Variants in CD180 observed in about 807,000 individuals in gnomAD.
CD180 encodes the protein CD180 antigen.
Under a neutral mutation model 10.7 loss-of-function variants are expected in CD180, and 11 were observed. That is an observed-to-expected ratio of 1.03 (90% CI 0.65 to 1.70). The LOEUF is 1.70. Among genes scored for constraint, CD180 ranks in the 40% most tolerant of loss-of-function variants. The pLI is 0.00. For synonymous variants in CD180, 286 were observed against 294.6 expected, an observed-to-expected ratio of 0.97 and a Z score of 0.30; for missense variants, 729 against 775.2, an observed-to-expected ratio of 0.94 and a Z score of 0.71.
chr5:67,187,991 G>A (rs191518537), intron 1 of CD180, among the ~76,000 whole-genome samples: 38 of 152,162 alleles, frequency 2.5e-4, no homozygotes, highest in African/African-American at 8.9e-4. Context: ...CCAACATAGC[G>A]AAACCCCGTC....
chr5:67,182,541 T>C lies in CD180; in HGVS notation c.*316A>G, dbSNP rs1742067741. Reference sequence around the variant, plus strand: ...GAGTAGAAGGGGAATGGCCTCCCTGTGGGAGACTCCGGGGCCGGCAGTCCC... The same window carrying C: ...GAGTAGAAGGGGAATGGCCTCCCTGCGGGAGACTCCGGGGCCGGCAGTCCC... On this transcript the variant is annotated 3_prime_UTR_variant, in exon 3 of 3. Coordinates refer to ENST00000256447, the MANE Select transcript of CD180 (RefSeq NM_005582.3). 1 of 208,342 alleles carries C rather than the reference T, an allele frequency of 4.8e-6. No homozygotes were observed. Among genetic ancestry groups the C allele is most frequent in the African/African-American group, 2.3e-5 (1 of 42,954 alleles). The allele number at this position is 208,342 out of a possible 1,614,324, so 12.9% of individuals were successfully genotyped here. A position where few individuals can be genotyped will look rare whatever the true frequency, so the allele number is the denominator to read the frequency against.
At position 67,186,043 on chromosome 5, in the gene CD180, A is replaced by ATAT. The variant is rs776245253; in HGVS notation, c.91-29_91-27dup. The stretch of plus-strand genomic sequence containing the variant: ...CTGATGGGAGAAACAAAGTAAATTA[A>ATAT]TATTAGACTTAATAATTTTATAGAC... On this transcript the variant is annotated intron_variant, in intron 1 of 2. Coordinates refer to ENST00000256447, the MANE Select transcript of CD180 (RefSeq NM_005582.3). The ATAT allele has an allele frequency of 3.5e-6, 5 of 1,415,662 alleles. No individual in the cohort carries two copies. In the South Asian group the frequency reaches 7.3e-5, roughly 21 times the overall value. The allele number at this position is 1,415,662 out of a possible 1,614,324, so 87.7% of individuals were successfully genotyped here.
intron 1 of CD180, among the ~76,000 whole-genome samples, chr5:67,192,136 A>C (rs953327061): frequency 1.3e-5 from 2 of 152,194 alleles, no homozygotes; most frequent in African/African-American, 4.8e-5. Context: ...CACGCCTGTA[A>C]TCCCAGCACT....
chr5:67,183,842 T>C lies in CD180; in HGVS notation c.1001A>G (p.Asp334Gly), dbSNP rs779508981. Residue 334 changes from aspartate to glycine, a missense_variant, in exon 3 of 3, where the codon GAT becomes GGT. By Grantham distance (94) the Asp-to-Gly change is moderately conservative. Coordinates refer to ENST00000256447, the MANE Select transcript of CD180 (RefSeq NM_005582.3). ...KKLVLSVNHF[D>G]QLCQISAANF... is the part of the protein sequence containing the mutation. ...GGCAGCACTGATTTGACACAATTGA[T>C]CGAAATGATTTACACTGAGAACTAA... 1.2e-6 allele frequency: 2 copies of C among 1,614,192 alleles called. No homozygotes were observed. Among genetic ancestry groups the C allele is most frequent in the Non-Finnish European group, 1.7e-6 (2 of 1,180,034 alleles).
At chr5:67,189,854 C>T (rs1252270230) in intron 1 of CD180, among the ~76,000 whole-genome samples, 3 of 152,076 alleles carry the variant, frequency 2.0e-5, no homozygotes, top group Non-Finnish European at 4.4e-5. Flanking sequence ...GCCCTATACA[C>T]CAATGTTTAT....
At chr5:67,190,241 C>G (rs528100447) in intron 1 of CD180, among the ~76,000 whole-genome samples, 1 of 152,290 alleles carries the variant, frequency 6.6e-6, no homozygotes, top group South Asian at 2.1e-4. Flanking sequence ...GTCATTCTCC[C>G]TATCAATATT....
chr5:67,191,055 A>C (rs564764557), intron 1 of CD180: 3 of 985,424 alleles, frequency 3.0e-6, no homozygotes, highest in South Asian at 9.4e-5. Context: ...AGATAGAGCA[A>C]GTCGACTGAG....
At chr5:67,184,914 G>T (rs148312126) in intron 2 of CD180, among the ~76,000 whole-genome samples, 16 of 152,028 alleles carry the variant, frequency 1.1e-4, no homozygotes, top group African/African-American at 2.9e-4. Context: ...ATATCATATA[G>T]AATGCATAAT....
chr5:67,194,501 T>C (rs1382976425), intron 1 of CD180, among the ~76,000 whole-genome samples: 1 of 152,192 alleles, frequency 6.6e-6, no homozygotes, highest in Non-Finnish European at 1.5e-5. Context: ...TTATGACTTC[T>C]TCCCCAACCA....
intron 1 of CD180, among the ~76,000 whole-genome samples, chr5:67,193,223 A>T (rs5744479): frequency 1.3e-5 from 2 of 152,228 alleles, no homozygotes; most frequent in African/African-American, 4.8e-5. Flanking sequence ...TGGCAGTCAC[A>T]TGAACATGCA....
At chr5:67,194,223 A>G (rs1365040926) in intron 1 of CD180, among the ~76,000 whole-genome samples, 1 of 152,154 alleles carries the variant, frequency 6.6e-6, no homozygotes, top group Non-Finnish European at 1.5e-5. Flanking sequence ...TTTTAAAACT[A>G]AAGAAAGGTC....
chr5:67,192,129 G>A lies in CD180; in HGVS notation c.90+4423C>T, dbSNP rs5744485. On this transcript the variant is annotated intron_variant, in intron 1 of 2. Transcript: ENST00000256447. ...TTTGGGGCCGGGCACGGTGGCTCAC[G>A]CCTGTAATCCCAGCACTTTGGGAGG... Among the ~76,000 whole-genome samples, 329 of 152,268 alleles carry A rather than the reference G, an allele frequency of 2.2e-3. 1 individual carries two copies. The highest frequency in any genetic ancestry group is 7.7e-3 in the African/African-American group (319 of 41,576).
intron 1 of CD180, among the ~76,000 whole-genome samples, chr5:67,194,319 G>A (rs1284059041): frequency 1.3e-5 from 2 of 152,094 alleles, no homozygotes; most frequent in African/African-American, 4.8e-5. Context: ...TGTGGCCAGA[G>A]GTCACAAGAT....
Position 67,184,338 on chromosome 5 carries a change from C to T in CD180, c.505G>A (p.Asp169Asn). 6.2e-7 allele frequency: 1 copy of T among 1,614,152 alleles called. No individual in the cohort carries two copies. Among genetic ancestry groups the T allele is most frequent in the Non-Finnish European group, 8.5e-7 (1 of 1,180,022 alleles). The change falls in exon 3 of 3, where the codon GAC becomes AAC. Residue 169 changes from aspartate to asparagine, a missense_variant. Coordinates refer to ENST00000256447, the MANE Select transcript of CD180 (RefSeq NM_005582.3). Reference protein sequence around the residue: ...NHISSIKFPKDFPARNLKVLD... With the variant: ...NHISSIKFPKNFPARNLKVLD... ...ACTTTCAGATTCCGTGCTGGGAAGT[C>T]TTTGGGGAACTTAATGGAGGAAATA...
intron 2 of CD180, among the ~76,000 whole-genome samples, chr5:67,185,631 G>C (rs922425880): frequency 3.9e-5 from 6 of 152,088 alleles, no homozygotes; most frequent in African/African-American, 1.4e-4. Flanking sequence ...CAGTGCTATT[G>C]ATGCAACTGG....
chr5:67,192,430 C>T (rs550590201), intron 1 of CD180, among the ~76,000 whole-genome samples: 19 of 151,938 alleles, frequency 1.3e-4, no homozygotes, highest in Non-Finnish European at 2.2e-4. Flanking sequence ...AACAGTACTG[C>T]GTAATTTATA....
intron 1 of CD180, among the ~76,000 whole-genome samples, chr5:67,188,758 C>T (rs979491898): frequency 6.6e-6 from 1 of 152,220 alleles, no homozygotes; most frequent in Non-Finnish European, 1.5e-5. Flanking sequence ...ACATGCTCAT[C>T]TGCAGAAAGT....
rs190682990 is a variant in CD180 at position 67,182,647 on chromosome 5, T to G, written c.*210A>C. 2.1e-6 allele frequency: 1 copy of G among 479,242 alleles called. No individual in the cohort carries two copies. The highest frequency in any genetic ancestry group is 2.0e-5 in the African/African-American group (1 of 51,182). 29.7% of individuals were successfully genotyped at this position (479,242 alleles called of 1,614,324 possible). ...TGCCTCTCACAGCAGCATCTGACCC[T>G]CTGGACTGAGTCATTCGGTGTACTT... On this transcript the variant is annotated 3_prime_UTR_variant, in exon 3 of 3. Transcript: ENST00000256447.
intron 1 of CD180, among the ~76,000 whole-genome samples, chr5:67,195,807 A>G (rs898903468): frequency 1.5e-4 from 23 of 152,188 alleles, no homozygotes; most frequent in African/African-American, 5.5e-4. Flanking sequence ...TCACCAAGCC[A>G]CCAAGACTCA....
Sources: allele counts gnomAD v4.1 joint callset (sites outside exome capture counted in the v4.1 genomes callset), GRCh38; gene constraint gnomAD v4.1.1; transcripts MANE v1.5; gene names NCBI Gene and HGNC (gene_info 2026-07-23, HGNC 2026-07-21).